Variants in CREB5 observed in about 807,000 individuals in gnomAD.
CREB5 encodes the protein cAMP responsive element binding protein 5.
CREB5 carries 19 observed loss-of-function variants against 57.1 expected under a neutral mutation model. That is an observed-to-expected ratio of 0.33 (90% CI 0.23 to 0.49). The LOEUF is 0.49. Ranked by LOEUF, CREB5 falls within the 20% of genes least tolerant of loss-of-function variation. The pLI is 0.99. For missense variants in CREB5, 579 were observed against 671.6 expected, an observed-to-expected ratio of 0.86 and a Z score of 1.52; for synonymous variants, 238 against 238.3, an observed-to-expected ratio of 1.00 and a Z score of 0.01.
intron 7 of CREB5, among the ~76,000 whole-genome samples, chr7:28,775,589 T>C (rs899909187): frequency 5.5e-5 from 8 of 146,452 alleles, no homozygotes; most frequent in African/African-American, 2.0e-4. Context: ...GTAAGTGTTC[T>C]ATAAATGGAT....
At chr7:28,756,239 T>C (rs1234937050) in intron 7 of CREB5, among the ~76,000 whole-genome samples, 1 of 152,028 alleles carries the variant, frequency 6.6e-6, no homozygotes, top group African/African-American at 2.4e-5. Context: ...GCTTGCCATC[T>C]CCCTTTTTCA....
chr7:28,718,630 C>T (rs1235134224), intron 5 of CREB5, 123 bp from the exon 6 acceptor site: 2 of 1,303,148 alleles, frequency 1.5e-6, no homozygotes, highest in Admixed American at 2.5e-5. Context: ...AATTATGTGA[C>T]TCTCCCATCA....
chr7:28,597,678 C>G (rs1259017916), intron 5 of CREB5, among the ~76,000 whole-genome samples: 3 of 152,210 alleles, frequency 2.0e-5, no homozygotes, highest in South Asian at 2.1e-4. Flanking sequence ...ATGACATCAA[C>G]CTCTCTCTCA....
chr7:28,539,387 A>T (rs1453540828), intron 4 of CREB5, among the ~76,000 whole-genome samples: 1 of 152,216 alleles, frequency 6.6e-6, no homozygotes, highest in Non-Finnish European at 1.5e-5. Flanking sequence ...TATGTCTTAA[A>T]TATCACTTAA....
chr7:28,560,947 T>TGTGTGC lies in CREB5; in HGVS notation c.292-9415_292-9414insTGCGTG, dbSNP rs1795206937. Reference sequence around the variant, plus strand: ...GCGCGTGCGTGTGTGCGTGCGTGTGTGTGCGTGTGTGTGCGTGTGTGTGTG... The same window carrying TGTGTGC: ...GCGCGTGCGTGTGTGCGTGCGTGTGTGTGTGCGTGCGTGTGTGTGCGTGTGTGTGTG... On this transcript the variant is annotated intron_variant, in intron 4 of 10. Transcript: ENST00000357727. Among the ~76,000 whole-genome samples, 6 of 21,186 alleles carry TGTGTGC rather than the reference T, an allele frequency of 2.8e-4. 1 individual carries two copies. Among genetic ancestry groups the TGTGTGC allele is most frequent in the African/African-American group, 1.0e-3 (6 of 5,872 alleles). The allele number at this position is 21,186 out of a possible 152,430, so 13.9% of individuals were successfully genotyped here. A position where few individuals can be genotyped will look rare whatever the true frequency, so the allele number is the denominator to read the frequency against.
chr7:28,613,883 T>C (rs1376285774), intron 5 of CREB5, among the ~76,000 whole-genome samples: 1 of 152,210 alleles, frequency 6.6e-6, no homozygotes, highest in East Asian at 1.9e-4. Context: ...CTTCTTCCAG[T>C]TGGAACATTT....
At position 28,474,281 on chromosome 7, in the gene CREB5, C is replaced by T. The variant is rs372378455; in HGVS notation, c.4-13894C>T. 5.3e-5 allele frequency among the ~76,000 whole-genome samples: 8 copies of T among 152,126 alleles called. No individual in the cohort carries two copies. In the South Asian group the frequency reaches 6.2e-4, roughly 12 times the overall value. On this transcript the variant is annotated intron_variant, in intron 1 of 10. Transcript: ENST00000357727. The stretch of plus-strand genomic sequence containing the variant: ...ATAAGTGAGTTTGGACTTCAGGGTG[C>T]GTGCTGGGGAATCCTGACCTCAGTT...
At chr7:28,306,680 C>T (rs1344643519) in intron 1 of CREB5, among the ~76,000 whole-genome samples, 1 of 150,822 alleles carries the variant, frequency 6.6e-6, no homozygotes, top group Non-Finnish European at 1.5e-5. Context: ...CCTGCCTCAG[C>T]CTCCCGAGTA....
At chr7:28,525,404 C>A (rs1027748151) in intron 4 of CREB5, among the ~76,000 whole-genome samples, 1 of 152,238 alleles carries the variant, frequency 6.6e-6, no homozygotes, top group African/African-American at 2.4e-5. Context: ...AATCTCCATT[C>A]TGTCCTCCAT....
intron 5 of CREB5, among the ~76,000 whole-genome samples, chr7:28,689,909 G>GGTGTGT (rs34310030): frequency 0.15 from 20,663 of 141,488 alleles, 1,988 homozygotes; most frequent in East Asian, 0.51. Context: ...ACTTGTATTT[G>GGTGTGT]GTGTGTGTGT....
chr7:28,727,282 T>C (rs1418843518), intron 7 of CREB5, among the ~76,000 whole-genome samples: 1 of 151,880 alleles, frequency 6.6e-6, no homozygotes, highest in East Asian at 1.9e-4. Context: ...CTTTTGGGGG[T>C]CAGAGCAGAC....
intron 7 of CREB5, among the ~76,000 whole-genome samples, chr7:28,749,771 A>T (rs566265714): frequency 1.7e-4 from 26 of 152,290 alleles, no homozygotes; most frequent in Middle Eastern, 3.4e-3. Flanking sequence ...TTAGGTTGCT[A>T]GGGGTACCTA....
At chr7:28,461,245 AG>A (rs1790341792) in intron 1 of CREB5, among the ~76,000 whole-genome samples, 1 of 147,642 alleles carries the variant, frequency 6.8e-6, no homozygotes, top group Admixed American at 6.7e-5. Flanking sequence ...AAAAAAAAAA[AG>A]ATATAGTCCC....
In CREB5 at chr7:28,818,096, A is replaced by T. The variant is rs1450985772; in HGVS notation, c.1280A>T (p.Glu427Val). ...AATGAAGTGTCTATGTTGAAAAATG[A>T]GGTGGCCCAGCTGAAACAGTTGTTG... is the stretch of plus-strand genomic sequence containing the variant. ...LQNEVSMLKN[E>V]VAQLKQLLLT... Residue 427 changes from glutamate (E) to valine (V), a missense_variant, in exon 10 of 11, where the codon GAG becomes GTG. Physicochemically the swap from Glu to Val is moderately radical, Grantham distance 121 (BLOSUM62 -2). This residue lies in a region of CREB5 where 114 missense variants were observed against 130.8 expected (regional missense o/e 0.87). Coordinates refer to ENST00000357727, the MANE Select transcript of CREB5 (RefSeq NM_182898.4). 1.2e-6 allele frequency: 2 copies of T among 1,613,626 alleles called. No homozygotes were observed. Among genetic ancestry groups the T allele is most frequent in the Non-Finnish European group, 1.7e-6 (2 of 1,179,684 alleles).
chr7:28,587,625 G>A (rs535652959), intron 5 of CREB5, among the ~76,000 whole-genome samples: 1 of 152,208 alleles, frequency 6.6e-6, no homozygotes, highest in Admixed American at 6.5e-5. Context: ...TGAATAAGAG[G>A]CTTAAATACA....
chr7:28,560,867 T>TGCGCGC (rs1294033526), intron 4 of CREB5, among the ~76,000 whole-genome samples: 1 of 22,044 alleles, frequency 4.5e-5, no homozygotes, highest in African/African-American at 2.5e-4. Flanking sequence ...TGCGTGTGCC[T>TGCGCGC]GCGTGCGCGT....
upstream of CREB5, among the ~76,000 whole-genome samples, chr7:28,411,504 C>G (rs932694237): frequency 3.2e-5 from 4 of 124,314 alleles, no homozygotes; most frequent in African/African-American, 1.2e-4. Context: ...GAAATAAAGA[C>G]CCTGTGTATG....
rs150359947 is a variant in CREB5 at position 28,477,447 on chromosome 7, T to A, written c.4-10728T>A. On this transcript the variant is annotated intron_variant, in intron 1 of 10. Transcript: ENST00000357727. ...CCCCTGAGCAAAGAAACCACGTTCA[T>A]GCGTAGGAAGGGCTCCTAGGTTTGG... Among the ~76,000 whole-genome samples, 733 of 152,308 alleles carry A rather than the reference T, an allele frequency of 4.8e-3. 6 individuals carry two copies. Among genetic ancestry groups the A allele is most frequent in the African/African-American group, 0.017 (692 of 41,570 alleles).
intron 4 of CREB5, among the ~76,000 whole-genome samples, chr7:28,545,669 GAATT>G (rs1011279687): frequency 9.9e-5 from 15 of 152,270 alleles, no homozygotes; most frequent in Non-Finnish European, 1.8e-4. Context: ...ACAGAGAGTT[GAATT>G]AATTAACACT....
Sources: allele counts gnomAD v4.1 joint callset (sites outside exome capture counted in the v4.1 genomes callset), GRCh38; gene constraint gnomAD v4.1.1; regional missense constraint gnomAD v4.1.1; transcripts MANE v1.5; gene names NCBI Gene and HGNC (gene_info 2026-07-23, HGNC 2026-07-21).